IL21R: variants seen among roughly 807,000 people sequenced by gnomAD.
IL21R encodes interleukin 21 receptor.
IL21R carries 14 observed loss-of-function variants against 41.3 expected under a neutral mutation model. The observed-to-expected ratio is 0.34, with a 90% CI of 0.22 to 0.53. The LOEUF is 0.53. IL21R is among the 20% of genes least tolerant of loss of function. IL21R has a pLI of 0.94. For missense variants in IL21R, 588 were observed against 681.6 expected, an observed-to-expected ratio of 0.86 and a Z score of 1.53; for synonymous variants, 286 against 287.6, an observed-to-expected ratio of 0.99 and a Z score of 0.05.
At chr16:27,430,721 G>A (rs1002616488) in intron 2 of IL21R, among the ~76,000 whole-genome samples, 21 of 152,106 alleles carry the variant, frequency 1.4e-4, no homozygotes, top group Admixed American at 3.3e-4. Context: ...GGGCTGAGGC[G>A]GGAGGATTGC....
intron 1 of IL21R, among the ~76,000 whole-genome samples, chr16:27,420,793 C>T (rs1031082399): frequency 2.0e-5 from 3 of 152,162 alleles, no homozygotes; most frequent in Admixed American, 6.5e-5. Flanking sequence ...TTTTGAAGCA[C>T]AAACATTTTA....
rs1206764944 is a variant in IL21R, at chr16:27,451,019, A to C, written c.*1736A>C. On this transcript the variant is annotated 3_prime_UTR_variant, in exon 9 of 9. Transcript: ENST00000337929. ...GCAGGAGGCTGGAAGGTTCTAGAAC[A>C]CTGATGGTTATAAGAGTGGGACTGT... is the stretch of plus-strand genomic sequence containing the variant. 4 of 230,024 alleles carry C rather than the reference A, an allele frequency of 1.7e-5. No individual in the cohort carries two copies. The highest frequency in any genetic ancestry group is 3.4e-5 in the Non-Finnish European group (4 of 118,158). 14.2% of individuals were successfully genotyped at this position (230,024 alleles called of 1,614,324 possible).
chr16:27,430,202 C>T, intron 2 of IL21R, 82 bp downstream of exon 2: 4 of 1,207,560 alleles, frequency 3.3e-6, no homozygotes, highest in Non-Finnish European at 4.7e-6. Context: ...TTTCTGGGCT[C>T]AAAAACACGG....
chr16:27,430,053 C>A lies in IL21R; in HGVS notation c.-16-3C>A, dbSNP rs773422909. ...CTCACCCTCCACTGTACGTCTCTTG[C>A]AGGCCCGTGGGAGTCAGCATGCCGC... On this transcript the variant is annotated splice_polypyrimidine_tract_variant and splice_region_variant and intron_variant, in intron 1 of 8. Coordinates refer to ENST00000337929, the MANE Select transcript of IL21R (RefSeq NM_181078.3). The A allele has an allele frequency of 6.2e-7, 1 of 1,605,872 alleles. No homozygotes were observed. The highest frequency in any genetic ancestry group is 8.5e-7 in the Non-Finnish European group (1 of 1,179,636).
At position 27,451,165 on chromosome 16, in the gene IL21R, C is replaced by T. The variant is rs943361224; in HGVS notation, c.*1882C>T. The T allele has an allele frequency of 4.4e-6, 1 of 229,092 alleles. No individual in the cohort carries two copies. Among genetic ancestry groups the T allele is most frequent in the Admixed American group, 5.7e-5 (1 of 17,636 alleles). The allele number at this position is 229,092 out of a possible 1,614,324, so 14.2% of individuals were successfully genotyped here. On this transcript the variant is annotated 3_prime_UTR_variant, in exon 9 of 9. Coordinates refer to ENST00000337929, the MANE Select transcript of IL21R (RefSeq NM_181078.3). ...ACCTGCACCCTAGGGACTCTTGGGT[C>T]CAGATGTGCTGTGGTTTTCACACCT...
intron 8 of IL21R, chr16:27,447,930 A>C (rs955496495): frequency 1.3e-5 from 2 of 152,398 alleles, no homozygotes; most frequent in Non-Finnish European, 2.9e-5. Flanking sequence ...CTATGGGGCC[A>C]CCAGTTGTCT....
intron 8 of IL21R, among the ~76,000 whole-genome samples, chr16:27,447,126 A>T (rs942856221): frequency 6.6e-6 from 1 of 152,164 alleles, no homozygotes; most frequent in South Asian, 2.1e-4. Context: ...GTGGGCAGGG[A>T]GGAACATGGA....
chr16:27,418,989 C>T (rs756366468), intron 1 of IL21R, among the ~76,000 whole-genome samples: 7 of 151,816 alleles, frequency 4.6e-5, no homozygotes, highest in Non-Finnish European at 8.8e-5. Flanking sequence ...CCAAGGAGGG[C>T]GGATCGCCTG....
At chr16:27,419,530 C>T (rs1241966905) in intron 1 of IL21R, among the ~76,000 whole-genome samples, 1 of 152,016 alleles carries the variant, frequency 6.6e-6, no homozygotes, top group Non-Finnish European at 1.5e-5. Context: ...TGGGTTCATG[C>T]GATTCTTGTG....
Position 27,411,706 on chromosome 16 carries a change from C to T in IL21R, c.-17+9088C>T, listed in dbSNP as rs368003021. ...CTTGAACTCCTGACCTCAGGTGATT[C>T]GCCCGCCTCGGCCTCCCAAAATGCT... On this transcript the variant is annotated intron_variant, in intron 1 of 8. Coordinates refer to ENST00000337929, the MANE Select transcript of IL21R (RefSeq NM_181078.3). Among the ~76,000 whole-genome samples, 16 of 152,102 alleles carry T rather than the reference C, an allele frequency of 1.1e-4. 1 individual carries two copies. Among genetic ancestry groups the T allele is most frequent in the East Asian group, 3.9e-4 (2 of 5,168 alleles).
In IL21R at chr16:27,450,887, G is replaced by A. The variant is rs1203467470; in HGVS notation, c.*1604G>A. ...ATGCTTTTGCAACAGGGTCGGGTTG[G>A]AAGTCAGCACAGGTCAGTCCTGCGG... is the stretch of plus-strand genomic sequence containing the variant. On this transcript the variant is annotated 3_prime_UTR_variant, in exon 9 of 9. Transcript: ENST00000337929. The A allele has an allele frequency of 4.3e-6, 1 of 233,222 alleles. No homozygotes were observed. Among genetic ancestry groups the A allele is most frequent in the Non-Finnish European group, 8.5e-6 (1 of 118,086 alleles). The allele number at this position is 233,222 out of a possible 1,614,324, so 14.4% of individuals were successfully genotyped here. A position where few individuals can be genotyped will look rare whatever the true frequency, so the allele number is the denominator to read the frequency against.
At position 27,437,703 on chromosome 16, in the gene IL21R, C is replaced by A. The variant is rs368431181; in HGVS notation, c.352+16C>A. On this transcript the variant is annotated intron_variant, in intron 4 of 8. Transcript: ENST00000337929. ...GCTGAGAGCAGTGAGTATCCTGGGA[C>A]CCCAGGCTTAGGGTGGCACTCAATC... The A allele has an allele frequency of 6.2e-7, 1 of 1,606,304 alleles. No homozygotes were observed. The highest frequency in any genetic ancestry group is 1.7e-5 in the Admixed American group (1 of 59,874).
intron 1 of IL21R, among the ~76,000 whole-genome samples, chr16:27,419,320 T>G (rs1416484549): frequency 6.6e-6 from 1 of 152,230 alleles, no homozygotes; most frequent in Non-Finnish European, 1.5e-5. Context: ...TTTGTCCCAC[T>G]GGAAGGTCTT....
intron 1 of IL21R, among the ~76,000 whole-genome samples, chr16:27,426,878 T>C (rs1181387979): frequency 1.3e-5 from 2 of 152,168 alleles, no homozygotes; most frequent in Non-Finnish European, 2.9e-5. Context: ...TTCAACATGA[T>C]TAAGCAACAT....
intron 1 of IL21R, among the ~76,000 whole-genome samples, chr16:27,417,746 A>G (rs2086912397): frequency 6.6e-6 from 1 of 152,192 alleles, no homozygotes; most frequent in African/African-American, 2.4e-5. Flanking sequence ...TGTGTATCTA[A>G]ACATAGAAAA....
chr16:27,411,609 C>T (rs2086824266), intron 1 of IL21R, among the ~76,000 whole-genome samples: 1 of 151,732 alleles, frequency 6.6e-6, no homozygotes, highest in Admixed American at 6.6e-5. Context: ...ATTACAGGTG[C>T]CTGCCACCAT....
chr16:27,416,123 CTTAT>C (rs1190112179), intron 1 of IL21R, among the ~76,000 whole-genome samples: 2 of 151,954 alleles, frequency 1.3e-5, no homozygotes, highest in Non-Finnish European at 2.9e-5. Flanking sequence ...TAGTAATTCA[CTTAT>C]TTATTTATTT....
chr16:27,430,197 G>A (rs2087147381), intron 2 of IL21R, 77 bp downstream of exon 2: 2 of 1,337,094 alleles, frequency 1.5e-6, no homozygotes, highest in Non-Finnish European at 2.1e-6. Flanking sequence ...CTGGCTTTCT[G>A]GGCTCAAAAA....
At chr16:27,441,877 C>A (rs1256741026) in intron 4 of IL21R, among the ~76,000 whole-genome samples, 2 of 151,972 alleles carry the variant, frequency 1.3e-5, no homozygotes, top group East Asian at 3.9e-4. Context: ...CAAGTGTGGT[C>A]GCATCCACCT....
Sources: allele counts gnomAD v4.1 joint callset (sites outside exome capture counted in the v4.1 genomes callset), GRCh38; gene constraint gnomAD v4.1.1; transcripts MANE v1.5; gene names NCBI Gene and HGNC (gene_info 2026-07-23, HGNC 2026-07-21).